The following TEX9 variants were observed in gnomAD, a reference collection of about 807,000 sequenced individuals.
TEX9 encodes testis-expressed protein 9.
TEX9 carries 74 observed loss-of-function variants against 59.6 expected under a neutral mutation model. The observed-to-expected ratio is 1.24, with a 90% CI of 1.03 to 1.51. The LOEUF (loss-of-function observed/expected upper bound fraction) is 1.51. TEX9 is among the 40% of genes most tolerant of loss of function. The pLI is 0.00. For synonymous variants in TEX9, 186 were observed against 152.2 expected (o/e 1.22, Z -1.64); for missense variants, 522 against 447.8 (o/e 1.17, Z -1.49).
intron 1 of TEX9, chr15:56,323,514 C>T (rs1288711083): frequency 5.1e-6 from 1 of 195,282 alleles, no homozygotes. Flanking sequence ...TGACAAGCAG[C>T]CTTATGAAAA....
intron 1 of TEX9, among the ~76,000 whole-genome samples, chr15:56,278,545 A>G (rs981603649): frequency 6.6e-6 from 1 of 152,180 alleles, no homozygotes; most frequent in Non-Finnish European, 1.5e-5. Flanking sequence ...AAATTTTGAG[A>G]TTAGCTTTTT....
upstream of TEX9, among the ~76,000 whole-genome samples, chr15:56,362,235 C>T (rs374606542): frequency 3.1e-4 from 47 of 152,308 alleles, 2 homozygotes; most frequent in African/African-American, 1.1e-3. Context: ...CTGTTAATTA[C>T]TGAAGGAGTA....
the TEX9 span, among the ~76,000 whole-genome samples, chr15:56,460,009 A>AAAAAATATATATATATATATATAT: frequency 2.3e-4 from 6 of 26,388 alleles, 1 homozygote; most frequent in Non-Finnish European, 4.2e-4. Flanking sequence ...AAAAAAAAAA[A>AAAAAATATATATATATATATATAT]ATACATATAT....
chr15:56,400,138 C>T (rs113108537), intron 9 of TEX9, among the ~76,000 whole-genome samples: 6,727 of 152,208 alleles, frequency 0.044, 222 homozygotes, highest in Admixed American at 0.087. Flanking sequence ...GAATGACCGA[C>T]GAGTTGACAG....
intron 7 of TEX9, among the ~76,000 whole-genome samples, chr15:56,393,232 T>G (rs1417259346): frequency 6.6e-6 from 1 of 152,130 alleles, no homozygotes; most frequent in Non-Finnish European, 1.5e-5. Flanking sequence ...AATTTGTCAT[T>G]TCCCTCTACT....
At position 56,365,628 on chromosome 15, in the gene TEX9, C is replaced by T. The variant is rs34409131; in HGVS notation, c.77C>T (p.Ser26Phe). The change falls in exon 2 of 13, where the codon TCT becomes TTT. Residue 26 changes from serine (S) to phenylalanine (F), a missense_variant. By Grantham distance (155) the Ser-to-Phe change is radical. Transcript: ENST00000352903. ...TTCCCGCCACCCGTTCAGCAACCCT[C>T]TACACCTGGACCCGACCTCCTCGCC... The T allele has an allele frequency of 1.2e-4, 186 of 1,614,210 alleles. 1 individual carries two copies. In the African/African-American group the frequency reaches 2.1e-3, roughly 19 times the overall value.
intron 1 of TEX9, among the ~76,000 whole-genome samples, chr15:56,260,691 T>C (rs2044245608): frequency 6.6e-6 from 1 of 152,042 alleles, no homozygotes; most frequent in Non-Finnish European, 1.5e-5. Context: ...TAAGAATTAT[T>C]AGCTTGTAAC....
At chr15:56,248,435 A>G (rs1174121669) in intron 1 of TEX9, among the ~76,000 whole-genome samples, 2 of 152,220 alleles carry the variant, frequency 1.3e-5, no homozygotes, top group African/African-American at 2.4e-5. Flanking sequence ...CTACCTGGCT[A>G]TGTGACCCTA....
At chr15:56,263,118 A>G (rs2044304459) in intron 1 of TEX9, among the ~76,000 whole-genome samples, 1 of 151,980 alleles carries the variant, frequency 6.6e-6, no homozygotes, top group Non-Finnish European at 1.5e-5. Context: ...CTGCCTCCCG[A>G]GTTCAAGCGA....
chr15:56,375,564 G>T (rs2047400850), intron 3 of TEX9, among the ~76,000 whole-genome samples: 1 of 152,010 alleles, frequency 6.6e-6, no homozygotes, highest in Non-Finnish European at 1.5e-5. Context: ...CATTGCTTTT[G>T]GTGTTTTAGA....
chr15:56,267,853 A>C (rs1436517737), intron 1 of TEX9, among the ~76,000 whole-genome samples: 1 of 152,200 alleles, frequency 6.6e-6, no homozygotes, highest in Non-Finnish European at 1.5e-5. Flanking sequence ...AGTTTTTTCC[A>C]ATTCTATGAA....
At chr15:56,249,523 A>G (rs2043958480) in intron 1 of TEX9, among the ~76,000 whole-genome samples, 1 of 151,952 alleles carries the variant, frequency 6.6e-6, no homozygotes, top group Admixed American at 6.6e-5. Flanking sequence ...GTGGATCACA[A>G]GGTCAGGAAT....
intron 9 of TEX9, among the ~76,000 whole-genome samples, chr15:56,405,363 A>G (rs1325494913): frequency 6.6e-6 from 1 of 152,008 alleles, no homozygotes; most frequent in Admixed American, 6.5e-5. Flanking sequence ...AAATTACCCA[A>G]GGTTATATAT....
At chr15:56,365,346 T>C (rs948739177), upstream of TEX9, 2 of 1,439,184 alleles carry the variant, frequency 1.4e-6, no homozygotes, top group African/African-American at 1.4e-5. Flanking sequence ...GCACAGAACC[T>C]GAGAGTGGGA....
intron 9 of TEX9, among the ~76,000 whole-genome samples, chr15:56,399,354 C>T (rs2048654043): frequency 6.6e-6 from 1 of 152,254 alleles, no homozygotes; most frequent in Admixed American, 6.5e-5. Flanking sequence ...GCCTTGCTCA[C>T]TGCTAGTGCA....
chr15:56,444,272 A>G (rs2050869346), intron 12 of TEX9, among the ~76,000 whole-genome samples: 1 of 152,080 alleles, frequency 6.6e-6, no homozygotes, highest in African/African-American at 2.4e-5. Context: ...TTTATTAATT[A>G]TGCTAACGGA....
intron 3 of TEX9, 97 bp from the exon 4 acceptor site, chr15:56,383,855 A>G: frequency 4.7e-6 from 4 of 855,704 alleles, no homozygotes; most frequent in East Asian, 2.6e-5. Context: ...ACCTTGGACA[A>G]TTCTGAAATG....
At chr15:56,273,064 C>A (rs1250824895) in intron 1 of TEX9, among the ~76,000 whole-genome samples, 1 of 151,942 alleles carries the variant, frequency 6.6e-6, no homozygotes, top group Non-Finnish European at 1.5e-5. Context: ...AGCAATTCTT[C>A]TGCTGCAGCC....
chr15:56,261,660 T>C (rs940938975), intron 1 of TEX9, among the ~76,000 whole-genome samples: 6 of 151,932 alleles, frequency 3.9e-5, no homozygotes, highest in Non-Finnish European at 8.8e-5. Flanking sequence ...GAGGTTGCAG[T>C]GAGCTAAGCT....
Sources: gnomAD v4.1 joint callset for allele counts (sites outside exome capture counted in the v4.1 genomes callset) on GRCh38, gnomAD v4.1.1 for gene constraint, MANE v1.5 for transcripts, NCBI Gene and HGNC (gene_info 2026-07-23, HGNC 2026-07-21) for gene names.